Variants in GCFC2 observed in about 807,000 individuals in gnomAD.
The protein encoded by GCFC2 is GC-rich sequence DNA-binding factor 2.
Under a neutral mutation model 99.4 loss-of-function variants are expected in GCFC2, and 102 were observed. That is an observed-to-expected ratio of 1.03 (90% confidence interval 0.87 to 1.21). The LOEUF (loss-of-function observed/expected upper bound fraction) is 1.21. GCFC2 is among the 50% of genes most tolerant of loss of function. The probability of loss-of-function intolerance (pLI) is 0.00; values close to 1 mark genes in which losing one functional copy is unlikely to be tolerated. For missense variants in GCFC2, 973 were observed against 920.9 expected, an observed-to-expected ratio of 1.06 and a Z score of -0.73; for synonymous variants, 338 against 316.8, an observed-to-expected ratio of 1.07 and a Z score of -0.71.
intron 2 of GCFC2, among the ~76,000 whole-genome samples, chr2:75,704,924 C>T (rs1558754570): frequency 6.6e-6 from 1 of 152,232 alleles, no homozygotes; most frequent in African/African-American, 2.4e-5. Context: ...GATCCATCCA[C>T]CTCGGCCTCC....
In GCFC2 at chr2:75,706,561, C is replaced by G. The variant is rs547449604; in HGVS notation, c.356G>C (p.Ser119Thr). The change falls in exon 2 of 17, where the codon AGT becomes ACT. Residue 119 changes from serine (S) to threonine (T), a missense_variant. By Grantham distance (58) the Ser-to-Thr change is moderately conservative. Coordinates refer to ENST00000321027, the MANE Select transcript of GCFC2 (RefSeq NM_003203.5). ...SKDDQGLSSDSSSSLGEKELS... is the reference protein window; with the variant it reads ...SKDDQGLSSDTSSSLGEKELS... ...TTCTTTTTCTCCAAGAGAGCTAGAA[C>G]TGTCAGAAGACAAACCCTGATCATC... 6.2e-7 allele frequency: 1 copy of G among 1,604,530 alleles called. No homozygotes were observed. The highest frequency in any genetic ancestry group is 1.7e-5 in the Admixed American group (1 of 59,930).
chr2:75,665,696 T>C lies in GCFC2; in HGVS notation c.2228+233A>G, dbSNP rs111756195. Among the ~76,000 whole-genome samples, 500 of 152,332 alleles carry C rather than the reference T, an allele frequency of 3.3e-3. 4 individuals carry two copies. The highest frequency in any genetic ancestry group is 0.011 in the African/African-American group (458 of 41,590). On this transcript the variant is annotated intron_variant, in intron 16 of 16. Coordinates refer to ENST00000321027, the MANE Select transcript of GCFC2 (RefSeq NM_003203.5). ...TTTTTGATTTATAGTTTTAATTCTATATTCCCCTGTGCTATAGTTTTTTGA... is the reference window on the plus strand; with the variant it reads ...TTTTTGATTTATAGTTTTAATTCTACATTCCCCTGTGCTATAGTTTTTTGA...
chr2:75,703,500 C>T (rs915764058), intron 2 of GCFC2, among the ~76,000 whole-genome samples: 8 of 152,104 alleles, frequency 5.3e-5, no homozygotes, highest in Admixed American at 6.6e-5. Flanking sequence ...AATCATGAAG[C>T]AATAAAGAAA....
At chr2:75,703,897 T>C (rs941551548) in intron 2 of GCFC2, among the ~76,000 whole-genome samples, 1 of 152,212 alleles carries the variant, frequency 6.6e-6, no homozygotes, top group African/African-American at 2.4e-5. Flanking sequence ...GAAATACTTA[T>C]TTTGGAAGTG....
At chr2:75,688,678 C>T (rs1466699876) in intron 10 of GCFC2, among the ~76,000 whole-genome samples, 1 of 152,106 alleles carries the variant, frequency 6.6e-6, no homozygotes, top group Non-Finnish European at 1.5e-5. Flanking sequence ...CAACTCTTCC[C>T]AGTATGTCAT....
At chr2:75,699,477 C>T (rs751775273) in intron 4 of GCFC2, among the ~76,000 whole-genome samples, 13 of 152,218 alleles carry the variant, frequency 8.5e-5, no homozygotes, top group Non-Finnish European at 1.8e-4. Context: ...ATTCTAGCAG[C>T]AGACCCACAG....
chr2:75,707,636 T>C (rs946642468), intron 1 of GCFC2, among the ~76,000 whole-genome samples: 10 of 152,226 alleles, frequency 6.6e-5, no homozygotes, highest in African/African-American at 2.4e-4. Flanking sequence ...GTTTCCAAAG[T>C]GGATTAACAC....
In GCFC2 at chr2:75,710,910, T is replaced by C. The variant is rs1342807585; in HGVS notation, c.-55A>G. On this transcript the variant is annotated 5_prime_UTR_variant, in exon 1 of 17. Transcript: ENST00000321027. ...AACCCGCTGAACCGCAAGCCGCAGC[T>C]TCAGTGCCCGCCCCCTAGGGCGCGC... The C allele has an allele frequency of 3.4e-6, 5 of 1,451,772 alleles. No individual in the cohort carries two copies. Among genetic ancestry groups the C allele is most frequent in the African/African-American group, 3.0e-5 (2 of 67,186 alleles). The allele number at this position is 1,451,772 out of a possible 1,614,324, so 89.9% of individuals were successfully genotyped here. A position where few individuals can be genotyped will look rare whatever the true frequency, so the allele number is the denominator to read the frequency against.
intron 4 of GCFC2, among the ~76,000 whole-genome samples, chr2:75,700,219 C>T (rs538702414): frequency 4.7e-4 from 71 of 152,078 alleles, no homozygotes; most frequent in African/African-American, 1.6e-3. Context: ...GTACCAAGAC[C>T]CCTATTGTTG....
intron 15 of GCFC2, among the ~76,000 whole-genome samples, chr2:75,667,456 A>G (rs908877680): frequency 6.6e-6 from 1 of 152,228 alleles, no homozygotes; most frequent in Non-Finnish European, 1.5e-5. Context: ...CGCTCTTTCT[A>G]AGATTGGTCA....
At chr2:75,711,830 T>G (rs1413370679), upstream of GCFC2, among the ~76,000 whole-genome samples, 1 of 152,254 alleles carries the variant, frequency 6.6e-6, no homozygotes, top group African/African-American at 2.4e-5. Context: ...GCTCGGGACC[T>G]GCAGCCCGCC....
intron 14 of GCFC2, chr2:75,670,936 T>A (rs1156488672): frequency 1.3e-5 from 2 of 152,220 alleles, no homozygotes; most frequent in Admixed American, 1.3e-4. Flanking sequence ...ATTGTTGATG[T>A]TGTTCCCTCT....
At chr2:75,666,129 A>C (rs567208334) in intron 15 of GCFC2, 76 bp from the exon 16 acceptor site, 20 of 1,079,882 alleles carry the variant, frequency 1.9e-5, no homozygotes, top group Non-Finnish European at 9.3e-6. Context: ...TCATAGTGAT[A>C]CTGTAAGCTG....
At chr2:75,679,693 G>A (rs1434797357) in intron 12 of GCFC2, 1 of 398,010 alleles carries the variant, frequency 2.5e-6, no homozygotes, top group Non-Finnish European at 4.4e-6. Flanking sequence ...TTTGCCAAAA[G>A]AACAAAGGTA....
At chr2:75,695,438 T>C (rs1213489323) in intron 5 of GCFC2, among the ~76,000 whole-genome samples, 1 of 152,122 alleles carries the variant, frequency 6.6e-6, no homozygotes, top group Non-Finnish European at 1.5e-5. Context: ...TTTAAAAAAA[T>C]TAAAGGCTTT....
rs1680572365 is a variant in GCFC2, at chr2:75,701,178, A to G, written c.717+12T>C. On this transcript the variant is annotated intron_variant, in intron 4 of 16. Transcript: ENST00000321027. Reference sequence around the variant, plus strand: ...ACAGGAATCTAATACACATGGGATAAAAAATGATTACCTCTATGATTTTAA... The same window carrying G: ...ACAGGAATCTAATACACATGGGATAGAAAATGATTACCTCTATGATTTTAA... The G allele has an allele frequency of 3.5e-6, 5 of 1,426,720 alleles. No individual in the cohort carries two copies. The highest frequency in any genetic ancestry group is 4.9e-6 in the Non-Finnish European group (5 of 1,010,786). The allele number at this position is 1,426,720 out of a possible 1,614,324, so 88.4% of individuals were successfully genotyped here.
At chr2:75,666,523 A>C (rs1434491702) in intron 15 of GCFC2, among the ~76,000 whole-genome samples, 1 of 152,168 alleles carries the variant, frequency 6.6e-6, no homozygotes, top group East Asian at 1.9e-4. Context: ...TAAATTAATT[A>C]TGTTTTTAAT....
At chr2:75,667,716 C>T (rs1036447458) in intron 15 of GCFC2, among the ~76,000 whole-genome samples, 4 of 152,048 alleles carry the variant, frequency 2.6e-5, no homozygotes, top group African/African-American at 4.8e-5. Context: ...GTTAATGATC[C>T]CAGCACTAAA....
At chr2:75,685,692 A>G (rs1299669929) in intron 11 of GCFC2, among the ~76,000 whole-genome samples, 1 of 152,080 alleles carries the variant, frequency 6.6e-6, no homozygotes, top group Non-Finnish European at 1.5e-5. Context: ...TATACATTAA[A>G]TGCCATCAAT....
Sources: allele counts gnomAD v4.1 joint callset (sites outside exome capture counted in the v4.1 genomes callset), GRCh38; gene constraint gnomAD v4.1.1; transcripts MANE v1.5; gene names NCBI Gene and HGNC (gene_info 2026-07-23, HGNC 2026-07-21).